PDE4D: variants seen among roughly 807,000 people sequenced by gnomAD.
PDE4D encodes phosphodiesterase 4D, also known as 3',5'-cyclic-AMP phosphodiesterase 4D.
Under a neutral mutation model 87.4 loss-of-function variants are expected in PDE4D, and 24 were observed. The ratio of observed to expected loss-of-function variants is 0.27; its 90% CI spans 0.20 to 0.39. PDE4D has a LOEUF of 0.39. PDE4D is among the 10% of genes least tolerant of loss of function. PDE4D has a pLI of 1.00. For missense variants in PDE4D, 714 were observed against 1,041.0 expected (o/e 0.69, Z 4.32); for synonymous variants, 384 against 383.2 (o/e 1.00, Z -0.02).
At chr5:59,970,442 T>G (rs573292482) in intron 3 of PDE4D, among the ~76,000 whole-genome samples, 1 of 152,122 alleles carries the variant, frequency 6.6e-6, no homozygotes, top group East Asian at 1.9e-4. Flanking sequence ...GGGAGAAAAT[T>G]TTCGCAACCT....
At chr5:60,391,913 T>G (rs1289993229) in intron 1 of PDE4D, among the ~76,000 whole-genome samples, 1 of 152,128 alleles carries the variant, frequency 6.6e-6, no homozygotes, top group African/African-American at 2.4e-5. Context: ...CTTTAGTCCT[T>G]GTTGAGGTAT....
intron 1 of PDE4D, among the ~76,000 whole-genome samples, chr5:59,273,734 C>A (rs1357468902): frequency 6.6e-6 from 1 of 151,932 alleles, no homozygotes; most frequent in African/African-American, 2.4e-5. Context: ...ATTAACAAAT[C>A]AAAATATTTA....
chr5:60,087,305 C>A (rs763879525), intron 2 of PDE4D, among the ~76,000 whole-genome samples: 1 of 152,170 alleles, frequency 6.6e-6, no homozygotes, highest in Non-Finnish European at 1.5e-5. Flanking sequence ...GAAGAGGTAG[C>A]TGACTCTTCA....
At chr5:59,945,892 CTA>C (rs1242195953) in intron 3 of PDE4D, among the ~76,000 whole-genome samples, 1 of 152,166 alleles carries the variant, frequency 6.6e-6, no homozygotes, top group Non-Finnish European at 1.5e-5. Context: ...TTTGGTGAGG[CTA>C]TTTGCTCCTG....
chr5:58,974,422 C>T lies in PDE4D; in HGVS notation c.*242G>A, dbSNP rs928016436. ...GATTTTATCTGCTTTGTCAGCTCTACCAAGCTGAAATCTTGTTAAAAACGC... is the reference window on the plus strand; with the variant it reads ...GATTTTATCTGCTTTGTCAGCTCTATCAAGCTGAAATCTTGTTAAAAACGC... On this transcript the variant is annotated 3_prime_UTR_variant, in exon 15 of 15. Transcript: ENST00000340635. 2 of 338,322 alleles carry T rather than the reference C, an allele frequency of 5.9e-6. No individual in the cohort carries two copies. Among genetic ancestry groups the T allele is most frequent in the Non-Finnish European group, 1.1e-5 (2 of 187,068 alleles). The allele number at this position is 338,322 out of a possible 1,614,324, so 21.0% of individuals were successfully genotyped here.
chr5:60,019,129 G>T (rs1765796861), intron 2 of PDE4D, among the ~76,000 whole-genome samples: 6 of 152,140 alleles, frequency 3.9e-5, no homozygotes. Flanking sequence ...AATCATAACA[G>T]TCTCTCAGAC....
chr5:60,314,170 ATT>A (rs199984345), intron 1 of PDE4D, among the ~76,000 whole-genome samples: 3 of 145,694 alleles, frequency 2.1e-5, no homozygotes, highest in Non-Finnish European at 3.0e-5. Context: ...AGACAGTATG[ATT>A]TTTTTTTTTT....
chr5:59,441,195 A>G (rs1797562862), intron 1 of PDE4D, among the ~76,000 whole-genome samples: 1 of 152,012 alleles, frequency 6.6e-6, no homozygotes, highest in Non-Finnish European at 1.5e-5. Flanking sequence ...CCTGGGCTCC[A>G]GCAATCCTCC....
At chr5:60,030,541 C>T (rs1445028320) in intron 2 of PDE4D, among the ~76,000 whole-genome samples, 1 of 152,186 alleles carries the variant, frequency 6.6e-6, no homozygotes, top group African/African-American at 2.4e-5. Flanking sequence ...TAGATACTTC[C>T]AATAGAACAT....
chr5:59,503,055 A>AAAG (rs1385643877), intron 1 of PDE4D, among the ~76,000 whole-genome samples: 1 of 152,108 alleles, frequency 6.6e-6, no homozygotes, highest in East Asian at 1.9e-4. Flanking sequence ...AGCCTTAGGT[A>AAAG]AAGCATCAGA....
chr5:60,414,400 G>T (rs994436232), intron 1 of PDE4D, among the ~76,000 whole-genome samples: 1 of 152,008 alleles, frequency 6.6e-6, no homozygotes, highest in Non-Finnish European at 1.5e-5. Flanking sequence ...ACACTATTAA[G>T]ATATGCATTG....
At chr5:60,030,324 C>A (rs1407510561) in intron 2 of PDE4D, among the ~76,000 whole-genome samples, 2 of 152,090 alleles carry the variant, frequency 1.3e-5, no homozygotes, top group Admixed American at 6.5e-5. Context: ...GTGGCGGGCA[C>A]CTGTAGTCCC....
chr5:60,031,711 T>G (rs768318252), intron 2 of PDE4D, among the ~76,000 whole-genome samples: 9 of 152,164 alleles, frequency 5.9e-5, no homozygotes, highest in Non-Finnish European at 1.3e-4. Flanking sequence ...ATAAGAATAT[T>G]TAACTGCTGG....
At chr5:59,068,845 G>A (rs189307827) in intron 5 of PDE4D, among the ~76,000 whole-genome samples, 284 of 152,182 alleles carry the variant, frequency 1.9e-3, no homozygotes, top group Non-Finnish European at 1.0e-3. Flanking sequence ...AAACTACCTC[G>A]CTCATCTAAT....
At chr5:60,131,076 C>T (rs903304915) in intron 2 of PDE4D, among the ~76,000 whole-genome samples, 5 of 152,202 alleles carry the variant, frequency 3.3e-5, no homozygotes, top group African/African-American at 4.8e-5. Flanking sequence ...TTTACACCCT[C>T]AAGGTTTTCC....
intron 5 of PDE4D, among the ~76,000 whole-genome samples, chr5:59,098,263 C>T (rs114041084): frequency 0.014 from 2,191 of 152,132 alleles, 64 homozygotes; most frequent in African/African-American, 0.05. Flanking sequence ...AGTTGGTAAG[C>T]TATTGTCTCC....
At chr5:59,569,718 C>A (rs973069859) in intron 1 of PDE4D, among the ~76,000 whole-genome samples, 12 of 152,132 alleles carry the variant, frequency 7.9e-5, no homozygotes, top group African/African-American at 2.7e-4. Flanking sequence ...AGTACCCATC[C>A]TTCAATTACT....
At chr5:60,479,965 G>A (rs1023290118) in intron 1 of PDE4D, among the ~76,000 whole-genome samples, 1 of 152,166 alleles carries the variant, frequency 6.6e-6, no homozygotes, top group Non-Finnish European at 1.5e-5. Context: ...ATAGGAGCAG[G>A]AATTTTAAAG....
At chr5:60,212,554 T>C (rs1743354306) in intron 1 of PDE4D, among the ~76,000 whole-genome samples, 1 of 152,206 alleles carries the variant, frequency 6.6e-6, no homozygotes, top group African/African-American at 2.4e-5. Flanking sequence ...TATGTAGGTC[T>C]GGTTTCCAGA....
Sources: gnomAD v4.1 joint callset for allele counts (sites outside exome capture counted in the v4.1 genomes callset) on GRCh38, gnomAD v4.1.1 for gene constraint, MANE v1.5 for transcripts, NCBI Gene and HGNC (gene_info 2026-07-23, HGNC 2026-07-21) for gene names.